The following LINGO1 variants were observed in gnomAD, a reference collection of about 807,000 sequenced individuals.
The protein encoded by LINGO1 is leucine rich repeat and Ig domain containing 1, also known as leucine-rich repeat and immunoglobulin-like domain-containing nogo receptor-interacting protein 1.
A neutral mutation model predicts 37.3 loss-of-function variants in LINGO1; 11 were observed. The observed-to-expected ratio is 0.29, with a 90% CI of 0.19 to 0.49. The LOEUF (loss-of-function observed/expected upper bound fraction) is 0.49. Among genes scored for constraint, LINGO1 ranks in the 20% least tolerant of loss-of-function variants. LINGO1 has a pLI of 0.99. For synonymous variants in LINGO1, 387 were observed against 403.0 expected, an observed-to-expected ratio of 0.96 and a Z score of 0.48; for missense variants, 585 against 878.2, an observed-to-expected ratio of 0.67 and a Z score of 4.22.
chr15:77,670,680 C>T (rs1446007113), intron 3 of LINGO1, among the ~76,000 whole-genome samples: 2 of 152,270 alleles, frequency 1.3e-5, no homozygotes, highest in African/African-American at 2.4e-5. Context: ...AGGTCATTTG[C>T]CCTAAGGTCA....
At chr15:77,619,921 C>T (rs1281250328) in intron 1 of LINGO1, among the ~76,000 whole-genome samples, 5 of 152,072 alleles carry the variant, frequency 3.3e-5, no homozygotes, top group East Asian at 3.9e-4. Flanking sequence ...GCTGCCCTAA[C>T]GGTGGGGAAG....
chr15:77,631,899 CTG>C (rs1162241833), intron 1 of LINGO1, among the ~76,000 whole-genome samples: 1 of 152,110 alleles, frequency 6.6e-6, no homozygotes, highest in Admixed American at 6.5e-5. Context: ...TAGGGAGTGT[CTG>C]GTGCTGGTGG....
chr15:77,762,065 A>C (rs760051307), intron 1 of LINGO1, among the ~76,000 whole-genome samples: 1 of 152,192 alleles, frequency 6.6e-6, no homozygotes, highest in Non-Finnish European at 1.5e-5. Flanking sequence ...TTCGGCCCTT[A>C]ATTCACCCTG....
intron 3 of LINGO1, among the ~76,000 whole-genome samples, chr15:77,671,036 C>T (rs893890379): frequency 6.6e-6 from 1 of 152,200 alleles, no homozygotes; most frequent in Admixed American, 6.5e-5. Flanking sequence ...GGCACAGTTC[C>T]TCCCCTCCCA....
intron 3 of LINGO1, among the ~76,000 whole-genome samples, chr15:77,672,093 T>C (rs1232861753): frequency 1.3e-5 from 2 of 151,188 alleles, no homozygotes; most frequent in African/African-American, 2.5e-5. Context: ...GCCAGTTCCC[T>C]CTCTGAACTC....
intron 2 of LINGO1, among the ~76,000 whole-genome samples, chr15:77,682,680 C>T (rs371749652): frequency 2.2e-4 from 34 of 152,214 alleles, no homozygotes; most frequent in African/African-American, 7.7e-4. Context: ...GTTCTCCCCA[C>T]CCCCTTCTGG....
intron 1 of LINGO1, among the ~76,000 whole-genome samples, chr15:77,797,085 AG>A (rs952004955): frequency 1.2e-4 from 19 of 152,166 alleles, no homozygotes; most frequent in African/African-American, 4.1e-4. Flanking sequence ...GGAGGGCGCT[AG>A]GAAGTTCTGG....
chr15:77,759,015 G>T (rs1165446800), intron 1 of LINGO1, among the ~76,000 whole-genome samples: 1 of 152,130 alleles, frequency 6.6e-6, no homozygotes, highest in Non-Finnish European at 1.5e-5. Flanking sequence ...GAGCACCTGA[G>T]ACCAAACCAC....
At chr15:77,689,746 C>T (rs1348027020) in intron 2 of LINGO1, among the ~76,000 whole-genome samples, 2 of 152,140 alleles carry the variant, frequency 1.3e-5, no homozygotes, top group Non-Finnish European at 2.9e-5. Context: ...CAATACAGCT[C>T]GTGTACACAA....
At chr15:77,710,191 A>C (rs578171031) in intron 2 of LINGO1, among the ~76,000 whole-genome samples, 2 of 152,326 alleles carry the variant, frequency 1.3e-5, no homozygotes, top group East Asian at 3.9e-4. Context: ...CCCGGCACTC[A>C]GCTCCACCCT....
At position 77,615,070 on chromosome 15, in the gene LINGO1, G is replaced by C. The variant is rs1354597022; in HGVS notation, c.837C>G (p.Pro279=). 6.2e-7 allele frequency: 1 copy of C among 1,614,022 alleles called. No individual in the cohort carries two copies. The change falls in exon 2 of 2, where the codon CCC becomes CCG. Residue 279 remains proline, a synonymous_variant. Transcript: ENST00000355300. ...SITHCNLTAV[P]YLAVRHLVYL... ...AGACTAGGTGGCGGACGGCCAGGTA[G>C]GGCACAGCGGTCAGATTGCAGTGTG... is the stretch of plus-strand genomic sequence containing the variant.
intron 3 of LINGO1, among the ~76,000 whole-genome samples, chr15:77,641,454 G>T (rs1223879684): frequency 6.6e-6 from 1 of 152,242 alleles, no homozygotes; most frequent in Non-Finnish European, 1.5e-5. Flanking sequence ...GGCCCGTCTG[G>T]CTGGGACCCA....
chr15:77,702,327 C>A (rs1159769288), intron 2 of LINGO1, among the ~76,000 whole-genome samples: 1 of 152,116 alleles, frequency 6.6e-6, no homozygotes, highest in Non-Finnish European at 1.5e-5. Flanking sequence ...TGGAAAGGCT[C>A]CAGACAAGCT....
chr15:77,713,506 G>A (rs1424132091), intron 2 of LINGO1, among the ~76,000 whole-genome samples: 1 of 152,018 alleles, frequency 6.6e-6, no homozygotes, highest in African/African-American at 2.4e-5. Context: ...AGGCGTGGGA[G>A]CAGGGTTGGG....
chr15:77,791,101 G>A (rs528126517), upstream of LINGO1, among the ~76,000 whole-genome samples: 43 of 152,274 alleles, frequency 2.8e-4, no homozygotes, highest in African/African-American at 9.4e-4. Context: ...AACATCCCTG[G>A]GTGGTCCTGA....
chr15:77,656,614 A>C (rs1450616868), intron 3 of LINGO1, among the ~76,000 whole-genome samples: 2 of 151,842 alleles, frequency 1.3e-5, no homozygotes, highest in African/African-American at 4.8e-5. Flanking sequence ...CCCTGTCCAG[A>C]GCTCACCCTC....
rs189150870 is a variant in LINGO1 at position 77,707,834 on chromosome 15, C to A, written c.-194-16933G>T. Among the ~76,000 whole-genome samples the A allele has an allele frequency of 1.7e-3, 263 of 152,284 alleles. 2 individuals carry two copies. Among genetic ancestry groups the A allele is most frequent in the East Asian group, 1.2e-3 (6 of 5,180 alleles). On this transcript the variant is annotated intron_variant, in intron 2 of 3. Coordinates refer to the LINGO1 transcript ENST00000561686. ...GCCAGGCAGGAGCACAGGCACCAAT[C>A]CAAGGTGGTTCTATTCTCTGTGGGA...
At chr15:77,734,594 C>G (rs1309210174) in intron 2 of LINGO1, among the ~76,000 whole-genome samples, 1 of 151,896 alleles carries the variant, frequency 6.6e-6, no homozygotes, top group East Asian at 2.0e-4. Flanking sequence ...CCCCACAGGC[C>G]GCCCACCTTA....
intron 3 of LINGO1, among the ~76,000 whole-genome samples, chr15:77,668,792 T>TACAC (rs34476518): frequency 0.095 from 12,744 of 134,794 alleles, 623 homozygotes; most frequent in Middle Eastern, 0.18. Flanking sequence ...CACAGGGGAA[T>TACAC]ACACACACAC....
Sources: gnomAD v4.1 joint callset for allele counts (sites outside exome capture counted in the v4.1 genomes callset) on GRCh38, gnomAD v4.1.1 for gene constraint, MANE v1.5 for transcripts, NCBI Gene and HGNC (gene_info 2026-07-23, HGNC 2026-07-21) for gene names.